SENP6: variants seen among roughly 807,000 people sequenced by gnomAD.
SENP6 encodes sentrin-specific protease 6.
In SENP6, 41 loss-of-function variants were observed where a neutral mutation model predicts 134.5. The observed-to-expected ratio is 0.30, with a 90% CI of 0.24 to 0.40. The LOEUF (loss-of-function observed/expected upper bound fraction) is 0.40. Among genes scored for constraint, SENP6 ranks in the 10% least tolerant of loss-of-function variants. SENP6 has a pLI of 1.00. For synonymous variants in SENP6, 395 were observed against 429.8 expected (o/e 0.92, Z 1.00); for missense variants, 1,248 against 1,312.5 (o/e 0.95, Z 0.76).
chr6:75,675,807 CATG>C (rs1298827960), intron 12 of SENP6, 50 bp from the exon 13 acceptor site: 18 of 1,453,810 alleles, frequency 1.2e-5, no homozygotes, highest in East Asian at 1.1e-4. Context: ...TTCCCCCATT[CATG>C]ATATTACCCT....
chr6:75,657,227 C>G (rs967493687), intron 7 of SENP6, among the ~76,000 whole-genome samples: 2 of 152,144 alleles, frequency 1.3e-5, no homozygotes, highest in African/African-American at 4.8e-5. Context: ...TTAAGTTTTT[C>G]AAATAATTGG....
At chr6:75,608,560 G>T (rs1459562905) in intron 1 of SENP6, among the ~76,000 whole-genome samples, 1 of 151,996 alleles carries the variant, frequency 6.6e-6, no homozygotes, top group Non-Finnish European at 1.5e-5. Flanking sequence ...AGAAAGAAAG[G>T]AAGGAGAAAA....
chr6:75,670,443 T>C, intron 10 of SENP6, 110 bp from the exon 11 acceptor site: 1 of 690,372 alleles, frequency 1.4e-6, no homozygotes, highest in East Asian at 2.7e-5. Context: ...GAAATCCATT[T>C]TATGTTGTGA....
intron 11 of SENP6, among the ~76,000 whole-genome samples, chr6:75,672,462 TTA>T (rs1370111778): frequency 6.6e-6 from 1 of 152,228 alleles, no homozygotes; most frequent in East Asian, 1.9e-4. Context: ...GTTTAAAAAA[TTA>T]TAATGCTAAA....
intron 1 of SENP6, among the ~76,000 whole-genome samples, chr6:75,614,274 T>TTTTTTTTTTG (rs1767684653): frequency 6.6e-6 from 1 of 151,028 alleles, no homozygotes. Flanking sequence ...TTTTTTTTTT[T>TTTTTTTTTTG]TTTTTGTTTG....
intron 3 of SENP6, among the ~76,000 whole-genome samples, chr6:75,632,404 T>C (rs1363921142): frequency 6.6e-6 from 1 of 152,184 alleles, no homozygotes; most frequent in East Asian, 1.9e-4. Flanking sequence ...CCAATAACTG[T>C]CCACTTTCTA....
chr6:75,649,657 C>T (rs1442828135), intron 7 of SENP6, among the ~76,000 whole-genome samples: 2 of 152,076 alleles, frequency 1.3e-5, no homozygotes, highest in African/African-American at 2.4e-5. Context: ...GCTGGGATTA[C>T]AGGCGCCTGC....
At position 75,659,810 on chromosome 6, in the gene SENP6, C is replaced by T. The variant is rs190110116; in HGVS notation, c.696+403C>T. 3.9e-5 allele frequency among the ~76,000 whole-genome samples: 6 copies of T among 152,232 alleles called. 1 individual carries two copies. Among genetic ancestry groups the T allele is most frequent in the Admixed American group, 2.6e-4 (4 of 15,290 alleles). On this transcript the variant is annotated intron_variant, in intron 8 of 23. Coordinates refer to ENST00000447266, the MANE Select transcript of SENP6 (RefSeq NM_015571.4). ...CTCCTTCCTCCTGCCTACCCATAAA[C>T]GTGTGTATATGTATTTTTTTGTACT...
Position 75,645,323 on chromosome 6 carries a change from A to C in SENP6, c.480-2408A>C, listed in dbSNP as rs2149847039. 2.0e-5 allele frequency among the ~76,000 whole-genome samples: 3 copies of C among 152,338 alleles called. No individual in the cohort carries two copies. In the Middle Eastern group the frequency reaches 0.01, roughly 518 times the overall value. On this transcript the variant is annotated intron_variant, in intron 6 of 23. Transcript: ENST00000447266. ...ATGGAATCCTCAAATTAAGAAATTA[A>C]TGTAAATGCTGGCCAGGTGTGGTGG... is the stretch of plus-strand genomic sequence containing the variant.
chr6:75,688,081 C>T (rs1013766363), intron 16 of SENP6, among the ~76,000 whole-genome samples: 1 of 152,240 alleles, frequency 6.6e-6, no homozygotes. Context: ...GCTTTGTTTA[C>T]CTACTCAAGC....
At chr6:75,608,109 A>G (rs917158411) in intron 1 of SENP6, among the ~76,000 whole-genome samples, 3 of 152,200 alleles carry the variant, frequency 2.0e-5, no homozygotes, top group African/African-American at 7.2e-5. Flanking sequence ...AATTCTGTTT[A>G]TCATGTGAGT....
intron 9 of SENP6, among the ~76,000 whole-genome samples, chr6:75,665,903 T>C (rs1187755060): frequency 6.6e-6 from 1 of 151,654 alleles, no homozygotes; most frequent in Admixed American, 6.6e-5. Context: ...GGTGCACACA[T>C]GTAATCCCAG....
chr6:75,656,665 T>C (rs1465498332), intron 7 of SENP6, among the ~76,000 whole-genome samples: 2 of 152,236 alleles, frequency 1.3e-5, no homozygotes, highest in East Asian at 3.8e-4. Context: ...TTTGTGTTTT[T>C]TTCTTAACTC....
At chr6:75,690,616 A>C (rs1382092055) in intron 16 of SENP6, among the ~76,000 whole-genome samples, 1 of 152,186 alleles carries the variant, frequency 6.6e-6, no homozygotes, top group Non-Finnish European at 1.5e-5. Context: ...AACACTGTGC[A>C]TATACTTTAC....
intron 3 of SENP6, among the ~76,000 whole-genome samples, chr6:75,628,236 T>C (rs1162067101): frequency 6.6e-6 from 1 of 152,162 alleles, no homozygotes; most frequent in African/African-American, 2.4e-5. Context: ...TAATATGATA[T>C]ACTTTTATGT....
At chr6:75,612,285 C>T (rs1408389510) in intron 1 of SENP6, among the ~76,000 whole-genome samples, 2 of 152,180 alleles carry the variant, frequency 1.3e-5, no homozygotes, top group Non-Finnish European at 2.9e-5. Context: ...CCCTGCAGAG[C>T]CACATAAAAT....
chr6:75,688,390 A>G (rs1434671963), intron 16 of SENP6, among the ~76,000 whole-genome samples: 4 of 152,132 alleles, frequency 2.6e-5, no homozygotes, highest in Admixed American at 6.5e-5. Context: ...CTCACCCTCC[A>G]TGGGCTGCAT....
rs374899955 is a variant in SENP6, at chr6:75,715,662, A to G, written c.*68A>G. 4.2e-6 allele frequency: 5 copies of G among 1,203,428 alleles called. No homozygotes were observed. The South Asian group carries it at 5.5e-5, about 13-fold the overall frequency. The allele number at this position is 1,203,428 out of a possible 1,614,324, so 74.5% of individuals were successfully genotyped here. A position where few individuals can be genotyped will look rare whatever the true frequency, so the allele number is the denominator to read the frequency against. ...ACTTTCAAATTTGGGTATAGACAATAAAGAACTGAAGTGCTCACTACTCAG... is the reference window on the plus strand; with the variant it reads ...ACTTTCAAATTTGGGTATAGACAATGAAGAACTGAAGTGCTCACTACTCAG... On this transcript the variant is annotated 3_prime_UTR_variant, in exon 24 of 24. Coordinates refer to ENST00000447266, the MANE Select transcript of SENP6 (RefSeq NM_015571.4).
At chr6:75,668,866 T>C (rs1772449738) in intron 10 of SENP6, among the ~76,000 whole-genome samples, 1 of 152,186 alleles carries the variant, frequency 6.6e-6, no homozygotes, top group South Asian at 2.1e-4. Context: ...GTGTGTACTG[T>C]CTTTGATGAT....
Sources: allele counts gnomAD v4.1 joint callset (sites outside exome capture counted in the v4.1 genomes callset), GRCh38; gene constraint gnomAD v4.1.1; transcripts MANE v1.5; gene names NCBI Gene and HGNC (gene_info 2026-07-23, HGNC 2026-07-21).